The following ADAMDEC1 variants were observed in gnomAD, a reference collection of about 807,000 sequenced individuals.
ADAMDEC1 encodes ADAM like decysin 1, also known as ADAM DEC1.
Under a neutral mutation model 60.4 loss-of-function variants are expected in ADAMDEC1, and 62 were observed. The observed-to-expected ratio is 1.03, with a 90% CI of 0.84 to 1.27. The LOEUF (loss-of-function observed/expected upper bound fraction) is 1.27, where lower values mean the gene tolerates loss of function less well. Ranked by LOEUF, ADAMDEC1 falls within the 50% of genes most tolerant of loss-of-function variation. The pLI is 0.00. For synonymous variants in ADAMDEC1, 210 were observed against 195.1 expected (o/e 1.08, Z -0.64); for missense variants, 595 against 565.0 (o/e 1.05, Z -0.54).
In ADAMDEC1 at chr8:24,392,282, C is replaced by G. The variant is rs1235070822; in HGVS notation, c.109C>G (p.Pro37Ala). ...TCTAGCAATAGCCATAAAGCAAACACCTGAATTAACGCTCCATGAAATAGT... is the reference window on the plus strand; with the variant it reads ...TCTAGCAATAGCCATAAAGCAAACAGCTGAATTAACGCTCCATGAAATAGT... Reference protein sequence around the residue: ...QTQAIAIKQTPELTLHEIVCP... With the variant: ...QTQAIAIKQTAELTLHEIVCP... Residue 37 changes from proline to alanine, a missense_variant, in exon 2 of 14, where the codon CCT becomes GCT. Coordinates refer to ENST00000256412, the MANE Select transcript of ADAMDEC1 (RefSeq NM_014479.3). 6.2e-7 allele frequency: 1 copy of G among 1,610,298 alleles called. No individual in the cohort carries two copies. The highest frequency in any genetic ancestry group is 1.7e-5 in the Admixed American group (1 of 59,580).
chr8:24,397,408 C>A lies in ADAMDEC1; in HGVS notation c.579C>A (p.Asp193Glu). The change falls in exon 6 of 14, where the codon GAC (aspartate) becomes GAA (glutamate). Residue 193 changes from aspartate to glutamate, a missense_variant. Transcript: ENST00000256412. Reference protein sequence around the residue: ...ANHTCGVKSTDGKQGPIRISR... With the variant: ...ANHTCGVKSTEGKQGPIRISR... ...ACACATGTGGTGTGAAGAGCACTGA[C>A]GGGAAACAAGGCCCAATTCGAATCT... 1 of 1,613,994 alleles carries A rather than the reference C, an allele frequency of 6.2e-7. No individual in the cohort carries two copies. Among genetic ancestry groups the A allele is most frequent in the African/African-American group, 1.3e-5 (1 of 75,016 alleles).
In ADAMDEC1 at chr8:24,401,926, C is replaced by A. The variant is rs1447841119; in HGVS notation, c.1154C>A (p.Pro385Gln). The A allele has an allele frequency of 8.1e-6, 13 of 1,608,208 alleles. No individual in the cohort carries two copies. Among genetic ancestry groups the A allele is most frequent in the African/African-American group, 1.3e-5 (1 of 74,632 alleles). The change falls in exon 12 of 14, where the codon CCA (proline) becomes CAA (glutamine). Residue 385 changes from proline to glutamine, a missense_variant. Coordinates refer to ENST00000256412, the MANE Select transcript of ADAMDEC1 (RefSeq NM_014479.3). ...VMNQYLSSKF[P>Q]KDFSTSCRAH... Reference sequence around the variant, plus strand: ...TCTTCTGATTACAGTTCAAAATTCCCAAAGGATTTCAGTACATCTTGCCGT... The same window carrying A: ...TCTTCTGATTACAGTTCAAAATTCCAAAAGGATTTCAGTACATCTTGCCGT...
Position 24,390,194 on chromosome 8 carries a change from T to C in ADAMDEC1, c.89-2068T>C, listed in dbSNP as rs201535456. ...ATTTGTGAAATGAATATTTCAGTTT[T>C]CACATAAAAGAAATATCAGAGAAGG... is the stretch of plus-strand genomic sequence containing the variant. On this transcript the variant is annotated intron_variant, in intron 1 of 13. Coordinates refer to ENST00000256412, the MANE Select transcript of ADAMDEC1 (RefSeq NM_014479.3). 11 of 1,138,790 alleles carry C rather than the reference T, an allele frequency of 9.7e-6. No individual in the cohort carries two copies. In the East Asian group the frequency reaches 6.4e-4, roughly 66 times the overall value. 70.5% of individuals were successfully genotyped at this position (1,138,790 alleles called of 1,614,324 possible). A position where few individuals can be genotyped will look rare whatever the true frequency, so the allele number is the denominator to read the frequency against.
intron 3 of ADAMDEC1, 24 bp downstream of exon 3, chr8:24,393,362 T>A: frequency 1.4e-6 from 2 of 1,481,382 alleles, no homozygotes; most frequent in Non-Finnish European, 1.9e-6. Context: ...CCTAAAAGTC[T>A]AATCACTGGA....
chr8:24,399,636 T>C (rs1355450641), intron 10 of ADAMDEC1, among the ~76,000 whole-genome samples, 162 bp downstream of exon 10: 1 of 152,200 alleles, frequency 6.6e-6, no homozygotes, highest in Non-Finnish European at 1.5e-5. Context: ...CCTTGGGTTA[T>C]GCGACAGAAC....
rs776313245 is a variant in ADAMDEC1, at chr8:24,393,274, C to A, written c.220C>A (p.Pro74Thr). ...TAAATGTTTTCAGGAAAGGTATGAACCTGAAGTTCAATATCAGATGATCTT... is the reference window on the plus strand; with the variant it reads ...TAAATGTTTTCAGGAAAGGTATGAAACTGAAGTTCAATATCAGATGATCTT... ...EKHGKEERYEPEVQYQMILNG... is the reference protein window; with the variant it reads ...EKHGKEERYETEVQYQMILNG... Residue 74 changes from proline (P) to threonine (T), a missense_variant, in exon 3 of 14, where the codon CCT becomes ACT. Physicochemically the swap from Pro to Thr is conservative, Grantham distance 38. Coordinates refer to ENST00000256412, the MANE Select transcript of ADAMDEC1 (RefSeq NM_014479.3). 4.4e-6 allele frequency: 7 copies of A among 1,594,918 alleles called. No homozygotes were observed. Among genetic ancestry groups the A allele is most frequent in the Admixed American group, 1.7e-5 (1 of 58,032 alleles).
In ADAMDEC1 at chr8:24,392,238, T is replaced by C. The variant is rs749414501; in HGVS notation, c.89-24T>C. 4.6e-6 allele frequency: 7 copies of C among 1,530,436 alleles called. No individual in the cohort carries two copies. The South Asian group carries it at 8.4e-5, about 18-fold the overall frequency. The allele number at this position is 1,530,436 out of a possible 1,614,324, so 94.8% of individuals were successfully genotyped here. Reference sequence around the variant, plus strand: ...AACCAAAACCTTTAAATCTTTTATGTGAATATTATTTCTCTTTCTCTAGCA... The same window carrying C: ...AACCAAAACCTTTAAATCTTTTATGCGAATATTATTTCTCTTTCTCTAGCA... On this transcript the variant is annotated intron_variant, in intron 1 of 13. Coordinates refer to ENST00000256412, the MANE Select transcript of ADAMDEC1 (RefSeq NM_014479.3).
At chr8:24,392,928 G>A (rs1231366678) in intron 2 of ADAMDEC1, among the ~76,000 whole-genome samples, 1 of 42,970 alleles carries the variant, frequency 2.3e-5, no homozygotes, top group African/African-American at 8.6e-5. Context: ...TTAATTTAAT[G>A]TATTTAGTTT....
chr8:24,386,488 G>A (rs899559824), intron 1 of ADAMDEC1, among the ~76,000 whole-genome samples: 1 of 152,176 alleles, frequency 6.6e-6, no homozygotes, highest in Admixed American at 6.5e-5. Context: ...GGGAGGGATT[G>A]CAAGAAGGTT....
rs780819155 is a variant in ADAMDEC1, at chr8:24,399,984, G to T, written c.1012-186G>T. On this transcript the variant is annotated intron_variant, in intron 10 of 13. Coordinates refer to ENST00000256412, the MANE Select transcript of ADAMDEC1 (RefSeq NM_014479.3). ...TCCATTAGTTCAACAAATATTTATT[G>T]AATAAAATGTAAGTATTCATAGGAC... 2.1e-4 allele frequency among the ~76,000 whole-genome samples: 32 copies of T among 152,084 alleles called. 1 individual carries two copies. Among genetic ancestry groups the T allele is most frequent in the Non-Finnish European group, 4.4e-4 (30 of 68,014 alleles).
At chr8:24,398,745 T>C (rs1218225879) in intron 8 of ADAMDEC1, 129 bp from the exon 9 acceptor site, 2 of 1,121,922 alleles carry the variant, frequency 1.8e-6, no homozygotes, top group East Asian at 2.5e-5. Flanking sequence ...ACTTTTAAAA[T>C]TTTTACTTTC....
At chr8:24,388,282 C>T (rs984986197) in intron 1 of ADAMDEC1, among the ~76,000 whole-genome samples, 3 of 151,872 alleles carry the variant, frequency 2.0e-5, no homozygotes, top group East Asian at 1.9e-4. Flanking sequence ...CCCCAGCATT[C>T]CCTTTTGCAT....
chr8:24,403,955 G>A (rs762017089), intron 12 of ADAMDEC1, 48 bp from the exon 13 acceptor site: 3 of 1,507,662 alleles, frequency 2.0e-6, no homozygotes, highest in South Asian at 2.3e-5. Flanking sequence ...TAGTCTATGG[G>A]AAGAAAATGT....
chr8:24,396,573 C>T (rs1285056827), intron 5 of ADAMDEC1, among the ~76,000 whole-genome samples: 3 of 152,066 alleles, frequency 2.0e-5, no homozygotes, highest in South Asian at 2.1e-4. Context: ...TGAGTAATCA[C>T]TGTTATTAAC....
At chr8:24,389,668 T>C (rs974762992) in intron 1 of ADAMDEC1, among the ~76,000 whole-genome samples, 3 of 152,182 alleles carry the variant, frequency 2.0e-5, no homozygotes, top group Admixed American at 1.3e-4. Context: ...ATCTATTCAT[T>C]TCCATAACCA....
At chr8:24,392,581 C>T (rs1411857746) in intron 2 of ADAMDEC1, among the ~76,000 whole-genome samples, 1 of 152,140 alleles carries the variant, frequency 6.6e-6, no homozygotes, top group African/African-American at 2.4e-5. Context: ...AGTCAACAGC[C>T]TCACTTGATA....
intron 1 of ADAMDEC1, among the ~76,000 whole-genome samples, chr8:24,384,846 T>C (rs1332727581): frequency 1.3e-5 from 2 of 152,198 alleles, no homozygotes; most frequent in African/African-American, 2.4e-5. Context: ...CCAATTGTTA[T>C]ATATTTTAAC....
chr8:24,404,723 T>C (rs1817847191), intron 13 of ADAMDEC1, among the ~76,000 whole-genome samples: 1 of 152,182 alleles, frequency 6.6e-6, no homozygotes, highest in Admixed American at 6.5e-5. Context: ...TTTACTCCTC[T>C]TTCCCAATTC....
At chr8:24,393,065 G>A (rs1301946767) in intron 2 of ADAMDEC1, among the ~76,000 whole-genome samples, 197 bp from the exon 3 acceptor site, 1 of 151,638 alleles carries the variant, frequency 6.6e-6, no homozygotes, top group Non-Finnish European at 1.5e-5. Context: ...ATCTATAAGT[G>A]TTATTATCAC....
Sources: allele counts gnomAD v4.1 joint callset (sites outside exome capture counted in the v4.1 genomes callset), GRCh38; gene constraint gnomAD v4.1.1; transcripts MANE v1.5; gene names NCBI Gene and HGNC (gene_info 2026-07-23, HGNC 2026-07-21).